Variants in FHDC1 observed in about 807,000 individuals in gnomAD.
FHDC1 encodes FH2 domain containing 1, also known as FH2 domain-containing protein 1.
Under a neutral mutation model 52.6 loss-of-function variants are expected in FHDC1, and 25 were observed. The ratio of observed to expected loss-of-function variants is 0.48; its 90% confidence interval spans 0.35 to 0.66. FHDC1 has a LOEUF of 0.66. FHDC1 is among the 30% of genes least tolerant of loss of function. The probability of loss-of-function intolerance (pLI) is 0.01; values close to 1 mark genes in which losing one functional copy is unlikely to be tolerated. For synonymous variants in FHDC1, 616 were observed against 581.5 expected (o/e 1.06, Z -0.85); for missense variants, 1,459 against 1,452.8 (o/e 1.00, Z -0.07).
intron 10 of FHDC1, 37 bp from the exon 11 acceptor site, chr4:152,972,340 C>T (rs751829625): frequency 3.8e-6 from 6 of 1,562,324 alleles, no homozygotes; most frequent in Admixed American, 4.1e-5. Flanking sequence ...CAGCTGACAA[C>T]GTTTACCTCA....
intron 8 of FHDC1, among the ~76,000 whole-genome samples, chr4:152,963,583 G>C (rs935452359): frequency 2.3e-5 from 3 of 132,978 alleles, no homozygotes; most frequent in Admixed American, 1.4e-4. Context: ...TGAGCGTTGA[G>C]GGGGAGGGTA....
At chr4:152,952,240 T>C (rs1484426339) in intron 2 of FHDC1, among the ~76,000 whole-genome samples, 4 of 152,222 alleles carry the variant, frequency 2.6e-5, no homozygotes, top group Non-Finnish European at 1.5e-5. Context: ...AATATGACTT[T>C]ATTGGTTCTT....
chr4:152,946,920 T>C (rs1739749748), intron 2 of FHDC1, among the ~76,000 whole-genome samples: 1 of 152,006 alleles, frequency 6.6e-6, no homozygotes, highest in African/African-American at 2.4e-5. Flanking sequence ...AATAGTGAGT[T>C]AGAACATTTA....
intron 4 of FHDC1, among the ~76,000 whole-genome samples, chr4:152,955,848 C>T (rs1016118365): frequency 2.0e-5 from 3 of 152,188 alleles, no homozygotes; most frequent in African/African-American, 7.2e-5. Context: ...CTGACTTCTC[C>T]CTCCCCTTTC....
At chr4:152,923,578 T>C in the FHDC1 span, among the ~76,000 whole-genome samples, 1 of 152,180 alleles carries the variant, frequency 6.6e-6, no homozygotes, top group Non-Finnish European at 1.5e-5. Context: ...AGAACAAAGC[T>C]GGAGGCATCA....
Position 152,975,667 on chromosome 4 carries a change from A to T in FHDC1, c.2376A>T (p.Arg792Ser), listed in dbSNP as rs760528827. The T allele has an allele frequency of 1.2e-6, 2 of 1,613,248 alleles. No individual in the cohort carries two copies. Among genetic ancestry groups the T allele is most frequent in the South Asian group, 2.2e-5 (2 of 91,064 alleles). Residue 792 changes from arginine (R) to serine (S), a missense_variant, in exon 12 of 12, where the codon AGA becomes AGT. Around this residue, in one of 3 missense-constraint regions of FHDC1, gnomAD observed 939 missense variants for 854.5 expected, o/e 1.10. Coordinates refer to ENST00000511601, the MANE Select transcript of FHDC1 (RefSeq NM_001371116.1). ...TLDCSEGTDSRPRGGDPEEGG... is the reference protein window; with the variant it reads ...TLDCSEGTDSSPRGGDPEEGG... ...ACTGCTCAGAGGGAACCGACTCCAG[A>T]CCCAGAGGCGGGGACCCGGAGGAAG...
chr4:152,927,391 C>A, the FHDC1 span: 1 of 766,012 alleles, frequency 1.3e-6, no homozygotes, highest in South Asian at 1.4e-5. Flanking sequence ...AGGTCTCAGT[C>A]AATTTAGAAA....
intron 9 of FHDC1, among the ~76,000 whole-genome samples, chr4:152,967,540 C>T (rs1471766276): frequency 6.6e-6 from 1 of 152,316 alleles, no homozygotes; most frequent in South Asian, 2.1e-4. Flanking sequence ...GCTATTTTCT[C>T]ACTGTTACCC....
intron 11 of FHDC1, among the ~76,000 whole-genome samples, chr4:152,973,089 A>G (rs1740691052): frequency 6.6e-6 from 1 of 152,208 alleles, no homozygotes; most frequent in Non-Finnish European, 1.5e-5. Flanking sequence ...CATACTGAGC[A>G]AGACAGCTAC....
chr4:152,970,688 G>T (rs766778335), intron 10 of FHDC1, among the ~76,000 whole-genome samples: 1 of 152,198 alleles, frequency 6.6e-6, no homozygotes, highest in Non-Finnish European at 1.5e-5. Context: ...AATACAGCAT[G>T]AATGCACACA....
the FHDC1 span, chr4:152,927,840 T>C: frequency 7.0e-7 from 1 of 1,434,582 alleles, no homozygotes; most frequent in East Asian, 2.3e-5. Flanking sequence ...AAGAAGGAAG[T>C]GGAAAAGAAA....
chr4:152,959,619 T>G (rs28427240), intron 4 of FHDC1, among the ~76,000 whole-genome samples: 67,604 of 151,710 alleles, frequency 0.45, 15,361 homozygotes, highest in South Asian at 0.64. Flanking sequence ...CAGGCTAGTC[T>G]TGAACTCCTG....
At chr4:152,919,088 C>A in the FHDC1 span, among the ~76,000 whole-genome samples, 16 of 152,362 alleles carry the variant, frequency 1.1e-4, no homozygotes, top group African/African-American at 3.6e-4. Flanking sequence ...TCAATGTTTT[C>A]AATAATGATA....
rs767222518 is a variant in FHDC1, at chr4:152,976,309, C to G, written c.3018C>G (p.His1006Gln). Residue 1006 changes from histidine to glutamine, a missense_variant, in exon 12 of 12, where the codon CAC (histidine) becomes CAG (glutamine). Physicochemically the swap from His to Gln is conservative, Grantham distance 24 (BLOSUM62 0). Around this residue, in one of 3 missense-constraint regions of FHDC1, gnomAD observed 939 missense variants for 854.5 expected, o/e 1.10. Transcript: ENST00000511601. ...AGGAAAATAAGACCTGCCGCGCCCA[C>G]TCCGAGGGCCCTGAGAGTCCCAAAG... ...KPEENKTCRA[H>Q]SEGPESPKEE... 1.9e-6 allele frequency: 3 copies of G among 1,613,540 alleles called. No homozygotes were observed. The highest frequency in any genetic ancestry group is 2.5e-6 in the Non-Finnish European group (3 of 1,180,032).
chr4:152,962,498 A>G lies in FHDC1; in HGVS notation c.851-316A>G, dbSNP rs184846056. On this transcript the variant is annotated intron_variant, in intron 6 of 11. Transcript: ENST00000511601. ...ACTGCTGAGAAGGAAGTTAACTCCT[A>G]TCTCACGGGATACTGCTTTGCATTA... is the stretch of plus-strand genomic sequence containing the variant. Among the ~76,000 whole-genome samples, 506 of 152,350 alleles carry G rather than the reference A, an allele frequency of 3.3e-3. 1 individual carries two copies. The highest frequency in any genetic ancestry group is 0.011 in the African/African-American group (473 of 41,578).
Position 152,976,849 on chromosome 4 carries a change from A to G in FHDC1, c.*126A>G. ...GCAGCCACTGGTGCCACTGCTAGTGACGCTGTTGGGATGGCACAGTCCAGG... is the reference window on the plus strand; with the variant it reads ...GCAGCCACTGGTGCCACTGCTAGTGGCGCTGTTGGGATGGCACAGTCCAGG... On this transcript the variant is annotated 3_prime_UTR_variant, in exon 12 of 12. Coordinates refer to ENST00000511601, the MANE Select transcript of FHDC1 (RefSeq NM_001371116.1). 1 of 1,276,278 alleles carries G rather than the reference A, an allele frequency of 7.8e-7. No individual in the cohort carries two copies. Among genetic ancestry groups the G allele is most frequent in the Non-Finnish European group, 1.0e-6 (1 of 957,386 alleles). The allele number at this position is 1,276,278 out of a possible 1,614,324, so 79.1% of individuals were successfully genotyped here. A position where few individuals can be genotyped will look rare whatever the true frequency, so the allele number is the denominator to read the frequency against.
chr4:152,926,002 T>TAAGGAAAAA, the FHDC1 span, among the ~76,000 whole-genome samples: 1 of 151,984 alleles, frequency 6.6e-6, no homozygotes, highest in Non-Finnish European at 1.5e-5. Flanking sequence ...TGGGATTCCA[T>TAAGGAAAAA]AAGGAAAAAC....
chr4:152,922,222 C>T, the FHDC1 span, among the ~76,000 whole-genome samples: 1 of 152,272 alleles, frequency 6.6e-6, no homozygotes, highest in African/African-American at 2.4e-5. Context: ...GAGAATACTA[C>T]AAACACCTCT....
chr4:152,954,188 A>G, intron 3 of FHDC1, 29 bp from the exon 4 acceptor site: 1 of 1,590,374 alleles, frequency 6.3e-7, no homozygotes, highest in East Asian at 2.2e-5. Context: ...GCAAACGTGA[A>G]ATGGAATGTG....
Sources: allele counts gnomAD v4.1 joint callset (sites outside exome capture counted in the v4.1 genomes callset), GRCh38; gene constraint gnomAD v4.1.1; regional missense constraint gnomAD v4.1.1; transcripts MANE v1.5; gene names NCBI Gene and HGNC (gene_info 2026-07-23, HGNC 2026-07-21).